The following SV2A variants were observed in gnomAD, a reference collection of about 807,000 sequenced individuals.
The protein encoded by SV2A is solute carrier family 22 member B1.
A neutral mutation model predicts 78.0 loss-of-function variants in SV2A; 25 were observed. The observed-to-expected ratio is 0.32, with a 90% CI of 0.23 to 0.45. The LOEUF is 0.45. Ranked by LOEUF, SV2A falls within the 20% of genes least tolerant of loss-of-function variation. The pLI, the probability that SV2A is intolerant of heterozygous loss-of-function variation, is 1.00. For synonymous variants in SV2A, 355 were observed against 384.7 expected, an observed-to-expected ratio of 0.92 and a Z score of 0.90; for missense variants, 752 against 971.5, an observed-to-expected ratio of 0.77 and a Z score of 3.00.
chr1:149,908,287 G>A (rs1216749073), intron 8 of SV2A, 81 bp from the exon 9 acceptor site: 71 of 1,499,900 alleles, frequency 4.7e-5, no homozygotes, highest in Middle Eastern at 2.2e-4. Context: ...AGGAGAAAAC[G>A]GAAATGTGTA....
At position 149,910,893 on chromosome 1, in the gene SV2A, G is replaced by A; in HGVS notation, c.888C>T (p.Leu296=). Residue 296 remains leucine, a synonymous_variant, in exon 4 of 13, where the codon CTC becomes CTT. Transcript: ENST00000369146. The surrounding 1 kb of genome is among the most constrained non-coding windows in gnomAD (Gnocchi z 4.2). ...CGCCACCAATCATCCAAAACATGCAGAGCCAGCTCAAATGCTCCCCTCGTT... is the reference window on the plus strand; with the variant it reads ...CGCCACCAATCATCCAAAACATGCAAAGCCAGCTCAAATGCTCCCCTCGTT... ...QEKRGEHLSW[L]CMFWMIGGVY... 1.2e-6 allele frequency: 2 copies of A among 1,614,224 alleles called. No individual in the cohort carries two copies. Among genetic ancestry groups the A allele is most frequent in the Admixed American group, 1.7e-5 (1 of 60,032 alleles).
intron 1 of SV2A, among the ~76,000 whole-genome samples, chr1:149,914,393 T>A (rs186635304): frequency 1.3e-5 from 2 of 152,308 alleles, no homozygotes; most frequent in African/African-American, 4.8e-5. Flanking sequence ...TACTTTGACC[T>A]TGGAGGCCTG....
At chr1:149,905,455 C>T in intron 12 of SV2A, 5 of 372,554 alleles carry the variant, frequency 1.3e-5, no homozygotes, top group South Asian at 6.2e-5. Context: ...ATTTTTTTTT[C>T]CTTTTTTTTT....
chr1:149,913,380 G>A lies in SV2A; in HGVS notation c.461C>T (p.Ala154Val). 2 of 1,614,120 alleles carry A rather than the reference G, an allele frequency of 1.2e-6. No homozygotes were observed. The highest frequency in any genetic ancestry group is 2.2e-5 in the South Asian group (2 of 91,080). ...GCCGTGGCCACACTCCCGTAGGATG[G>A]CTTCATACTGTTGGGCCAGTTCTTC... is the stretch of plus-strand genomic sequence containing the variant. ...EREELAQQYE[A>V]ILRECGHGRF... The change falls in exon 2 of 13, where the codon GCC (alanine) becomes GTC (valine). Residue 154 changes from alanine (A) to valine (V), a missense_variant. By Grantham distance (64) the Ala-to-Val change is moderately conservative. Transcript: ENST00000369146.
intron 8 of SV2A, among the ~76,000 whole-genome samples, chr1:149,908,855 G>A (rs901540739): frequency 2.0e-5 from 3 of 152,036 alleles, no homozygotes; most frequent in East Asian, 1.9e-4. Context: ...GGATGGTCTC[G>A]ATCTCCTAAC....
rs199502893 is a variant in SV2A at position 149,913,471 on chromosome 1, C to G, written c.370G>C (p.Gly124Arg). 2.7e-5 allele frequency: 43 copies of G among 1,613,724 alleles called. No individual in the cohort carries two copies. Among genetic ancestry groups the G allele is most frequent in the East Asian group, 1.6e-4 (7 of 44,802 alleles). ...GGACCCTCCCCATCACTCAAGCCCCCCCTTACTCCAGCCAGGGGCGCCCCA... is the reference window on the plus strand; with the variant it reads ...GGACCCTCCCCATCACTCAAGCCCCGCCTTACTCCAGCCAGGGGCGCCCCA... ...ADGAPLAGVR[G>R]GLSDGEGPPG... Residue 124 changes from glycine (G) to arginine (R), a missense_variant, in exon 2 of 13, where the codon GGG (glycine) becomes CGG (arginine). Physicochemically the swap from Gly to Arg is moderately radical, Grantham distance 125 (BLOSUM62 -2). Transcript: ENST00000369146.
In SV2A at chr1:149,906,055, G is replaced by C; in HGVS notation, c.1886-16C>G. 6.2e-7 allele frequency: 1 copy of C among 1,613,856 alleles called. No homozygotes were observed. The highest frequency in any genetic ancestry group is 8.5e-7 in the Non-Finnish European group (1 of 1,179,958). ...CTGGAGCCAGCTGGAGCCAGGAGAG[G>C]AGAGAGCAACATGAGCCTGGCCACA... is the stretch of plus-strand genomic sequence containing the variant. On this transcript the variant is annotated splice_polypyrimidine_tract_variant and intron_variant, in intron 11 of 12. Coordinates refer to ENST00000369146, the MANE Select transcript of SV2A (RefSeq NM_014849.5).
Position 149,910,037 on chromosome 1 carries a change from G to A in SV2A, c.1090-147C>T. On this transcript the variant is annotated intron_variant, in intron 5 of 12. Coordinates refer to ENST00000369146, the MANE Select transcript of SV2A (RefSeq NM_014849.5). The surrounding 1 kb of genome is among the most constrained non-coding windows in gnomAD (Gnocchi z 4.2). The stretch of plus-strand genomic sequence containing the variant: ...CCCCACCACCAAGCCCTGACCTATG[G>A]GCATGCACTCACCACTCTGAAAGAG... 2.8e-6 allele frequency: 2 copies of A among 710,642 alleles called. No individual in the cohort carries two copies. Among genetic ancestry groups the A allele is most frequent in the Non-Finnish European group, 2.4e-6 (1 of 409,986 alleles). 44.0% of individuals were successfully genotyped at this position (710,642 alleles called of 1,614,324 possible).
At position 149,905,015 on chromosome 1, in the gene SV2A, C is replaced by T. The variant is rs781962457; in HGVS notation, c.2228G>A (p.Ter743=). ...AATCCCAAAGCCCTAGAGACCCCTT[C>T]ACTGCAGCACCTGCCCCCGGGTCTC... is the stretch of plus-strand genomic sequence containing the variant. ...LPETRGQVLQ[*] is the part of the protein sequence containing the mutation. Residue 743 remains the stop codon, a stop_retained_variant, in exon 13 of 13, where the codon TGA becomes TAA. Transcript: ENST00000369146. 18 of 1,609,122 alleles carry T rather than the reference C, an allele frequency of 1.1e-5. No homozygotes were observed. The African/African-American group carries it at 2.4e-4, about 21-fold the overall frequency.
chr1:149,911,388 G>T lies in SV2A; in HGVS notation c.804-411C>A, dbSNP rs767457848. ...CCATGCTTGCAAAAGTGAAGGGGCAGTGCGGACAAGGCGTCAGGGTTCTGG... is the reference window on the plus strand; with the variant it reads ...CCATGCTTGCAAAAGTGAAGGGGCATTGCGGACAAGGCGTCAGGGTTCTGG... On this transcript the variant is annotated intron_variant, in intron 3 of 12. Transcript: ENST00000369146. Among the ~76,000 whole-genome samples, 57 of 152,364 alleles carry T rather than the reference G, an allele frequency of 3.7e-4. 1 individual carries two copies. Among genetic ancestry groups the T allele is most frequent in the Admixed American group, 1.6e-3 (25 of 15,302 alleles).
chr1:149,914,791 TTTC>T (rs2092502311), intron 1 of SV2A, among the ~76,000 whole-genome samples: 1 of 152,212 alleles, frequency 6.6e-6, no homozygotes, highest in Non-Finnish European at 1.5e-5. Context: ...CAAGCCTCAG[TTTC>T]TTCTTGTTTA....
intron 10 of SV2A, among the ~76,000 whole-genome samples, chr1:149,907,399 T>A (rs1285172447): frequency 2.0e-5 from 3 of 152,216 alleles, no homozygotes; most frequent in African/African-American, 4.8e-5. Flanking sequence ...TTCCCAAGAA[T>A]GCTATTTTGG....
chr1:149,914,868 C>T (rs2101627302), intron 1 of SV2A, among the ~76,000 whole-genome samples: 2 of 152,262 alleles, frequency 1.3e-5, no homozygotes, highest in Middle Eastern at 6.8e-3. Flanking sequence ...AGTCACCTGG[C>T]ACATAAAAAT....
intron 7 of SV2A, 60 bp downstream of exon 7, chr1:149,909,401 G>C: frequency 1.3e-6 from 2 of 1,565,200 alleles, no homozygotes; most frequent in Non-Finnish European, 8.8e-7. Context: ...ATAGACTTCA[G>C]TCCTGCCTTC....
intron 12 of SV2A, 80 bp from the exon 13 acceptor site, chr1:149,905,277 G>T: frequency 1.5e-6 from 2 of 1,361,020 alleles, no homozygotes; most frequent in Non-Finnish European, 2.0e-6. Flanking sequence ...GGGAAGTGAA[G>T]TCCAGGAAGA....
In SV2A at chr1:149,913,944, C is replaced by T; in HGVS notation, c.-104G>A. 1 of 1,489,686 alleles carries T rather than the reference C, an allele frequency of 6.7e-7. No individual in the cohort carries two copies. Among genetic ancestry groups the T allele is most frequent in the Non-Finnish European group, 8.9e-7 (1 of 1,119,332 alleles). 92.3% of individuals were successfully genotyped at this position (1,489,686 alleles called of 1,614,324 possible). On this transcript the variant is annotated 5_prime_UTR_variant, in exon 2 of 13. Transcript: ENST00000369146. ...TCAAAAAGACCCCTCCCCACAGTTA[C>T]TTAGATGAAGCGTGTTCCAGTATCT...
rs782427900 is a variant in SV2A at position 149,911,953 on chromosome 1, A to C, written c.650T>G (p.Val217Gly). ...CAGACCTCCCCAGAGGAAGGCTCCC[A>C]CCATCATGCCCAGGTAGACGATGAG... is the stretch of plus-strand genomic sequence containing the variant. ...LGLIVYLGMM[V>G]GAFLWGGLAD... is the part of the protein sequence containing the mutation. The change falls in exon 3 of 13, where the codon GTG becomes GGG. Residue 217 changes from valine to glycine, a missense_variant. This residue lies in a region of SV2A where 291 missense variants were observed against 359.5 expected (regional missense o/e 0.81). Coordinates refer to ENST00000369146, the MANE Select transcript of SV2A (RefSeq NM_014849.5). 1.2e-6 allele frequency: 2 copies of C among 1,614,146 alleles called. No individual in the cohort carries two copies. The highest frequency in any genetic ancestry group is 3.3e-5 in the Admixed American group (2 of 60,032).
At chr1:149,907,434 G>A (rs2092445810) in intron 10 of SV2A, among the ~76,000 whole-genome samples, 1 of 152,092 alleles carries the variant, frequency 6.6e-6, no homozygotes, top group Non-Finnish European at 1.5e-5. Context: ...CTTCAAAAGT[G>A]CATTAATTTT....
Position 149,911,336 on chromosome 1 carries a change from G to C in SV2A, c.804-359C>G, listed in dbSNP as rs1553763745. On this transcript the variant is annotated intron_variant, in intron 3 of 12. Coordinates refer to ENST00000369146, the MANE Select transcript of SV2A (RefSeq NM_014849.5). ...TGTGGGAATGGCCAGAAAGGAGCTT[G>C]GAGTTGAAGCAGAGTAAGCGGGCCT... Among the ~76,000 whole-genome samples, 4 of 152,370 alleles carry C rather than the reference G, an allele frequency of 2.6e-5. No individual in the cohort carries two copies. The East Asian group carries it at 7.7e-4, about 29-fold the overall frequency.
Sources: allele counts gnomAD v4.1 joint callset (sites outside exome capture counted in the v4.1 genomes callset), GRCh38; gene constraint gnomAD v4.1.1; regional missense constraint gnomAD v4.1.1; non-coding constraint Gnocchi (gnomAD v3.1); transcripts MANE v1.5; gene names NCBI Gene and HGNC (gene_info 2026-07-23, HGNC 2026-07-21).